PKIB: variants seen among roughly 807,000 people sequenced by gnomAD.
PKIB encodes PKI-beta.
In PKIB, 2 loss-of-function variants were observed where a neutral mutation model predicts 4.5. That is an observed-to-expected ratio of 0.44 (90% CI 0.18 to 1.39). The LOEUF (loss-of-function observed/expected upper bound fraction) is 1.39. Among genes scored for constraint, PKIB ranks in the 40% most tolerant of loss-of-function variants. PKIB has a pLI of 0.27. For synonymous variants in PKIB, 38 were observed against 36.0 expected, an observed-to-expected ratio of 1.06 and a Z score of -0.20; for missense variants, 94 against 92.6, an observed-to-expected ratio of 1.02 and a Z score of -0.06.
chr6:122,544,253 A>C (rs886134418), intron 2 of PKIB, among the ~76,000 whole-genome samples: 4 of 152,046 alleles, frequency 2.6e-5, no homozygotes, highest in Non-Finnish European at 5.9e-5. Flanking sequence ...ATATTAAAGC[A>C]TTCAAACTAA....
chr6:122,579,865 C>T (rs927808389), intron 2 of PKIB, among the ~76,000 whole-genome samples: 11 of 152,034 alleles, frequency 7.2e-5, no homozygotes, highest in Non-Finnish European at 1.2e-4. Flanking sequence ...GTTTAACAAA[C>T]GTCAATTAAA....
chr6:122,495,640 C>A (rs1025128079), intron 2 of PKIB, among the ~76,000 whole-genome samples: 1 of 152,092 alleles, frequency 6.6e-6, no homozygotes, highest in Non-Finnish European at 1.5e-5. Context: ...GGCATCTGGC[C>A]GATTCCCCCA....
chr6:122,476,222 A>T (rs1021853514), intron 1 of PKIB, among the ~76,000 whole-genome samples: 1 of 152,186 alleles, frequency 6.6e-6, no homozygotes, highest in Non-Finnish European at 1.5e-5. Flanking sequence ...AAAGTATTTT[A>T]TGGCTTTTAT....
At chr6:122,710,980 C>G (rs1348905007) in intron 3 of PKIB, among the ~76,000 whole-genome samples, 1 of 152,162 alleles carries the variant, frequency 6.6e-6, no homozygotes, top group African/African-American at 2.4e-5. Flanking sequence ...GTGCTAAATC[C>G]TCTCAATTCT....
rs372079334 is a variant in PKIB at position 122,647,420 on chromosome 6, C to G, written c.-76+14053C>G. Among the ~76,000 whole-genome samples the G allele has an allele frequency of 2.6e-5, 4 of 152,352 alleles. No individual in the cohort carries two copies. In the East Asian group the frequency reaches 5.8e-4, roughly 22 times the overall value. On this transcript the variant is annotated intron_variant, in intron 2 of 4. Transcript: ENST00000368452. ...ACGCATGAAGCTGATCACCACATCA[C>G]AGTCCACACTTTGCAACTTTAGACT...
chr6:122,580,851 CT>C (rs1163232399), intron 2 of PKIB, among the ~76,000 whole-genome samples: 1 of 152,084 alleles, frequency 6.6e-6, no homozygotes, highest in Non-Finnish European at 1.5e-5. Context: ...CACTGAATAC[CT>C]TGTCTGACAT....
At chr6:122,569,655 TC>T (rs1773300570) in intron 2 of PKIB, among the ~76,000 whole-genome samples, 1 of 152,082 alleles carries the variant, frequency 6.6e-6, no homozygotes, top group Non-Finnish European at 1.5e-5. Context: ...CATCACTGAA[TC>T]CCTTGCAGAC....
At chr6:122,721,109 A>C (rs1779724432) in intron 4 of PKIB, among the ~76,000 whole-genome samples, 1 of 152,338 alleles carries the variant, frequency 6.6e-6, no homozygotes, top group South Asian at 2.1e-4. Flanking sequence ...TTTTCAGTAC[A>C]AATGGAACCA....
intron 2 of PKIB, among the ~76,000 whole-genome samples, chr6:122,583,375 T>A (rs887282840): frequency 1.3e-5 from 2 of 152,116 alleles, no homozygotes; most frequent in African/African-American, 4.8e-5. Flanking sequence ...GTTCCCAGAA[T>A]TGAGAATTTT....
chr6:122,508,890 A>G (rs906510839), intron 2 of PKIB, among the ~76,000 whole-genome samples: 3 of 151,980 alleles, frequency 2.0e-5, no homozygotes, highest in African/African-American at 7.3e-5. Context: ...AGCTGGGACT[A>G]CAGGTGCCCG....
At position 122,556,667 on chromosome 6, in the gene PKIB, A is replaced by G. The variant is rs992848656; in HGVS notation, c.-247-29254A>G. 2.0e-5 allele frequency among the ~76,000 whole-genome samples: 3 copies of G among 152,202 alleles called. No homozygotes were observed. In the South Asian group the frequency reaches 6.2e-4, roughly 32 times the overall value. The stretch of plus-strand genomic sequence containing the variant: ...TGTATGGAACCTCTGGCAGGTCCCT[A>G]CAAGTGAATCCTAGCACAGAGCTTT... On this transcript the variant is annotated intron_variant, in intron 2 of 6. Coordinates refer to the PKIB transcript ENST00000392491.
At chr6:122,693,317 G>T (rs1034485728) in intron 3 of PKIB, among the ~76,000 whole-genome samples, 1 of 152,134 alleles carries the variant, frequency 6.6e-6, no homozygotes, top group Non-Finnish European at 1.5e-5. Context: ...ACCGCCCCCT[G>T]CTAGTGAGAA....
chr6:122,580,092 T>A (rs1167803475), intron 2 of PKIB, among the ~76,000 whole-genome samples: 1 of 152,200 alleles, frequency 6.6e-6, no homozygotes, highest in Admixed American at 6.5e-5. Context: ...TATTTTTATA[T>A]TTGACCTGTG....
At chr6:122,580,474 T>C (rs780286055) in intron 2 of PKIB, among the ~76,000 whole-genome samples, 15 of 152,198 alleles carry the variant, frequency 9.9e-5, no homozygotes, top group Non-Finnish European at 1.9e-4. Context: ...ACATTTCACC[T>C]ATGTTATGCT....
At chr6:122,508,344 C>T (rs1368446683) in intron 2 of PKIB, among the ~76,000 whole-genome samples, 1 of 152,200 alleles carries the variant, frequency 6.6e-6, no homozygotes, top group East Asian at 1.9e-4. Flanking sequence ...TGTCAACCCT[C>T]AAGGGTTAAC....
At chr6:122,681,241 T>C (rs906588046) in intron 3 of PKIB, among the ~76,000 whole-genome samples, 1 of 152,192 alleles carries the variant, frequency 6.6e-6, no homozygotes, top group Non-Finnish European at 1.5e-5. Flanking sequence ...TTCTCATCCA[T>C]TGGAGTTCTT....
At chr6:122,570,831 A>C (rs535211431) in intron 2 of PKIB, among the ~76,000 whole-genome samples, 8 of 152,342 alleles carry the variant, frequency 5.3e-5, no homozygotes, top group African/African-American at 1.7e-4. Flanking sequence ...AATTCTGGTA[A>C]TATGACAAAA....
intron 2 of PKIB, among the ~76,000 whole-genome samples, chr6:122,528,039 T>C (rs956966596): frequency 1.3e-5 from 2 of 152,188 alleles, no homozygotes; most frequent in African/African-American, 4.8e-5. Context: ...TCGTATATTT[T>C]TATTTGGAAA....
At chr6:122,685,235 T>A (rs867765321) in intron 3 of PKIB, among the ~76,000 whole-genome samples, 67 of 152,264 alleles carry the variant, frequency 4.4e-4, no homozygotes, top group African/African-American at 1.4e-3. Flanking sequence ...AGACTAAAAA[T>A]TCTATTGGCA....
Sources: gnomAD v4.1 joint callset for allele counts (sites outside exome capture counted in the v4.1 genomes callset) on GRCh38, gnomAD v4.1.1 for gene constraint, MANE v1.5 for transcripts, NCBI Gene and HGNC (gene_info 2026-07-23, HGNC 2026-07-21) for gene names.